The following GRID2 variants were observed in gnomAD, a reference collection of about 807,000 sequenced individuals.
GRID2 encodes the protein glutamate ionotropic receptor delta type subunit 2, also known as glutamate receptor ionotropic, delta-2.
Under a neutral mutation model 114.8 loss-of-function variants are expected in GRID2, and 33 were observed. That is an observed-to-expected ratio of 0.29 (90% CI 0.22 to 0.38). The LOEUF is 0.38. Among genes scored for constraint, GRID2 ranks in the 10% least tolerant of loss-of-function variants. The pLI is 1.00. For synonymous variants in GRID2, 505 were observed against 449.9 expected, an observed-to-expected ratio of 1.12 and a Z score of -1.55; for missense variants, 1,184 against 1,257.7, an observed-to-expected ratio of 0.94 and a Z score of 0.89.
At chr4:92,632,201 T>C (rs1355214006) in intron 2 of GRID2, among the ~76,000 whole-genome samples, 1 of 152,142 alleles carries the variant, frequency 6.6e-6, no homozygotes, top group Non-Finnish European at 1.5e-5. Flanking sequence ...CAATTAGCTG[T>C]TTTTTGGAAT....
At chr4:92,686,098 A>G (rs1287556898) in intron 2 of GRID2, among the ~76,000 whole-genome samples, 2 of 152,008 alleles carry the variant, frequency 1.3e-5, no homozygotes, top group African/African-American at 2.4e-5. Context: ...TTTCATCTTG[A>G]TGAAGTCCCT....
chr4:93,084,795 G>T (rs887286846), intron 2 of GRID2, among the ~76,000 whole-genome samples, 200 bp from the exon 3 acceptor site: 1 of 152,172 alleles, frequency 6.6e-6, no homozygotes. Flanking sequence ...GCACAAGGTC[G>T]CATAGATAAT....
At position 93,131,625 on chromosome 4, in the gene GRID2, T is replaced by G. The variant is rs1734813197; in HGVS notation, c.735+20672T>G. Among the ~76,000 whole-genome samples, 7 of 151,840 alleles carry G rather than the reference T, an allele frequency of 4.6e-5. No individual in the cohort carries two copies. In the South Asian group the frequency reaches 1.2e-3, roughly 27 times the overall value. Reference sequence around the variant, plus strand: ...AATTTTATTTAAATTTTTTTATTTTTATTTTTAATTTTTATAGATGCATAC... The same window carrying G: ...AATTTTATTTAAATTTTTTTATTTTGATTTTTAATTTTTATAGATGCATAC... On this transcript the variant is annotated intron_variant, in intron 4 of 15. Coordinates refer to ENST00000282020, the MANE Select transcript of GRID2 (RefSeq NM_001510.4).
intron 2 of GRID2, among the ~76,000 whole-genome samples, chr4:93,020,919 C>T (rs540916898): frequency 5.0e-4 from 76 of 151,870 alleles, no homozygotes; most frequent in African/African-American, 1.8e-3. Flanking sequence ...GTAATCCCAG[C>T]TACTCCGTAG....
At chr4:92,370,594 A>G (rs1031543779) in intron 1 of GRID2, among the ~76,000 whole-genome samples, 1 of 152,088 alleles carries the variant, frequency 6.6e-6, no homozygotes, top group African/African-American at 2.4e-5. Context: ...CAACAAAAAG[A>G]AAGAAAAGAA....
intron 3 of GRID2, among the ~76,000 whole-genome samples, chr4:93,104,017 A>G (rs1363699546): frequency 6.6e-6 from 1 of 151,778 alleles, no homozygotes; most frequent in Non-Finnish European, 1.5e-5. Context: ...ATAGTACCCA[A>G]TTCATTTTTC....
At chr4:92,667,154 A>G (rs1180755777) in intron 2 of GRID2, among the ~76,000 whole-genome samples, 1 of 151,678 alleles carries the variant, frequency 6.6e-6, no homozygotes, top group Non-Finnish European at 1.5e-5. Context: ...TTCCCCTAGA[A>G]GATACAAGCC....
intron 2 of GRID2, among the ~76,000 whole-genome samples, chr4:92,861,384 C>T (rs1045663561): frequency 2.0e-5 from 3 of 152,028 alleles, no homozygotes; most frequent in Non-Finnish European, 4.4e-5. Context: ...CTGTGAATTA[C>T]GCAGGGGACA....
intron 2 of GRID2, among the ~76,000 whole-genome samples, chr4:92,701,934 C>G (rs1734693598): frequency 6.6e-6 from 1 of 152,072 alleles, no homozygotes; most frequent in Admixed American, 6.5e-5. Flanking sequence ...CATATACTGA[C>G]CCAATAATTT....
chr4:93,029,695 A>G (rs1724208521), intron 2 of GRID2, among the ~76,000 whole-genome samples: 1 of 152,216 alleles, frequency 6.6e-6, no homozygotes, highest in Non-Finnish European at 1.5e-5. Flanking sequence ...AATATACAAT[A>G]GCATCAGGTT....
At chr4:92,449,177 T>TTA (rs1487248972) in intron 1 of GRID2, among the ~76,000 whole-genome samples, 2 of 152,054 alleles carry the variant, frequency 1.3e-5, no homozygotes, top group Non-Finnish European at 2.9e-5. Flanking sequence ...GTCACTAAGG[T>TTA]TTTACCATAT....
intron 2 of GRID2, among the ~76,000 whole-genome samples, chr4:92,817,164 A>G (rs1740968703): frequency 6.6e-6 from 1 of 152,096 alleles, no homozygotes; most frequent in Non-Finnish European, 1.5e-5. Flanking sequence ...TCAATTTAGT[A>G]TGTTTCCTTC....
intron 2 of GRID2, among the ~76,000 whole-genome samples, chr4:92,816,204 A>G (rs1255100440): frequency 2.0e-5 from 3 of 150,920 alleles, no homozygotes; most frequent in African/African-American, 7.3e-5. Flanking sequence ...AATCCCAGCT[A>G]CTCGGGAGGC....
At position 92,530,508 on chromosome 4, in the gene GRID2, GA is replaced by G. The variant is rs70942906; in HGVS notation, c.89-59606del. Among the ~76,000 whole-genome samples the G allele has an allele frequency of 2.6e-3, 279 of 107,220 alleles. 1 individual carries two copies. The highest frequency in any genetic ancestry group is 6.5e-3 in the East Asian group (23 of 3,536). The allele number at this position is 107,220 out of a possible 152,430, so 70.3% of individuals were successfully genotyped here. A position where few individuals can be genotyped will look rare whatever the true frequency, so the allele number is the denominator to read the frequency against. ...CACAAAAAAGTGAGTGACTAGTACA[GA>G]AAAAAAAAAAAAAAAAGAGAGACTT... is the stretch of plus-strand genomic sequence containing the variant. On this transcript the variant is annotated intron_variant, in intron 1 of 15. Coordinates refer to ENST00000282020, the MANE Select transcript of GRID2 (RefSeq NM_001510.4).
At chr4:93,177,887 A>G (rs1478038869) in intron 4 of GRID2, among the ~76,000 whole-genome samples, 1 of 152,104 alleles carries the variant, frequency 6.6e-6, no homozygotes, top group Non-Finnish European at 1.5e-5. Context: ...CTATATGTTA[A>G]TGCTATACAG....
intron 2 of GRID2, among the ~76,000 whole-genome samples, chr4:92,906,572 G>A (rs1370773401): frequency 1.3e-5 from 2 of 152,006 alleles, no homozygotes; most frequent in Non-Finnish European, 2.9e-5. Context: ...AGGGAACCCA[G>A]CCCTTTCATC....
chr4:92,400,565 A>T (rs953717722), intron 1 of GRID2, among the ~76,000 whole-genome samples: 3 of 152,140 alleles, frequency 2.0e-5, no homozygotes, highest in Non-Finnish European at 4.4e-5. Flanking sequence ...GCTACTAAGA[A>T]TATTTGTGTG....
In GRID2 at chr4:93,328,742, G is replaced by GATGA. The variant is rs1309242423; in HGVS notation, c.1246-66862_1246-66861insAATG. On this transcript the variant is annotated intron_variant, in intron 8 of 15. Transcript: ENST00000282020. Reference sequence around the variant, plus strand: ...GGATGGATGGATGGATGGATGGATGGATGGATAGACAAATGATACTCAGGT... The same window carrying GATGA: ...GGATGGATGGATGGATGGATGGATGGATGAATGGATAGACAAATGATACTCAGGT... Among the ~76,000 whole-genome samples, 393 of 151,206 alleles carry GATGA rather than the reference G, an allele frequency of 2.6e-3. 1 individual carries two copies. The highest frequency in any genetic ancestry group is 8.7e-3 in the African/African-American group (357 of 40,950).
At chr4:92,397,824 T>C (rs1163041569) in intron 1 of GRID2, among the ~76,000 whole-genome samples, 2 of 152,126 alleles carry the variant, frequency 1.3e-5, no homozygotes, top group Non-Finnish European at 2.9e-5. Flanking sequence ...ATGAACCATA[T>C]GGAAACGATT....
Sources: allele counts gnomAD v4.1 joint callset (sites outside exome capture counted in the v4.1 genomes callset), GRCh38; gene constraint gnomAD v4.1.1; transcripts MANE v1.5; gene names NCBI Gene and HGNC (gene_info 2026-07-23, HGNC 2026-07-21).